The following TENM1 variants were observed in gnomAD, a reference collection of about 807,000 sequenced individuals.
The protein encoded by TENM1 is teneurin transmembrane protein 1, also known as teneurin-1.
In TENM1, 35 loss-of-function variants were observed where a neutral mutation model predicts 174.8. That is an observed-to-expected ratio of 0.20 (90% CI 0.15 to 0.27). TENM1 has a LOEUF of 0.27. Ranked by LOEUF, TENM1 falls within the 10% of genes least tolerant of loss-of-function variation. The probability of loss-of-function intolerance (pLI) is 1.00; values close to 1 mark genes in which losing one functional copy is unlikely to be tolerated. For synonymous variants in TENM1, 781 were observed against 798.7 expected, an observed-to-expected ratio of 0.98 and a Z score of 0.37; for missense variants, 1,633 against 2,130.1, an observed-to-expected ratio of 0.77 and a Z score of 4.59.
At chrX:124,405,211 A>T in exon 27 of TENM1, 3 of 1,211,843 alleles carry the variant, frequency 2.5e-6, no homozygotes, top group Non-Finnish European at 3.4e-6. Flanking sequence ...TCCCGCTGGC[A>T]AAAGTGACAC....
At chrX:124,618,051 T>C (rs2050436022) in intron 11 of TENM1, among the ~76,000 whole-genome samples, 1 of 112,188 alleles carries the variant, frequency 8.9e-6, no homozygotes, top group African/African-American at 3.2e-5. Context: ...TATACTTAAG[T>C]CAGTAGCATT....
intron 15 of TENM1, among the ~76,000 whole-genome samples, chrX:124,537,797 T>C (rs1352030113): frequency 8.9e-6 from 1 of 112,125 alleles, no homozygotes; most frequent in Non-Finnish European, 1.9e-5. Context: ...GACTGAGTAG[T>C]AGGTAATAAG....
At chrX:125,076,534 T>G in the TENM1 span, among the ~76,000 whole-genome samples, 1 of 110,939 alleles carries the variant, frequency 9.0e-6, no homozygotes, top group Admixed American at 9.6e-5. Context: ...AGTCTGGCAT[T>G]TTTGTGTGCT....
At chrX:125,152,327 AAG>A in the TENM1 span, among the ~76,000 whole-genome samples, 1 of 111,828 alleles carries the variant, frequency 8.9e-6, no homozygotes, top group African/African-American at 3.3e-5. Flanking sequence ...TTAAGAAAGT[AAG>A]AGATGACTTG....
chrX:124,938,012 A>C (rs2058272420), intron 1 of TENM1, among the ~76,000 whole-genome samples: 1 of 111,932 alleles, frequency 8.9e-6, no homozygotes, highest in South Asian at 3.7e-4. Flanking sequence ...TTTAGCCAAA[A>C]TATTAAAGAA....
chrX:125,081,872 T>C, the TENM1 span, among the ~76,000 whole-genome samples: 1 of 110,929 alleles, frequency 9.0e-6, no homozygotes, highest in South Asian at 3.8e-4. Flanking sequence ...GGTCATTATA[T>C]TGAGTGAAAT....
intron 1 of TENM1, among the ~76,000 whole-genome samples, chrX:124,927,998 T>C (rs1458072881): frequency 9.0e-6 from 1 of 111,033 alleles, no homozygotes; most frequent in Non-Finnish European, 1.9e-5. Context: ...ACAACCAGTG[T>C]CATTTGATGA....
At chrX:124,508,549 A>T (rs189891049) in intron 18 of TENM1, among the ~76,000 whole-genome samples, 207 of 112,310 alleles carry the variant, frequency 1.8e-3, no homozygotes, top group Non-Finnish European at 3.1e-3. Context: ...ATCTATTTAC[A>T]AAAATAAGGG....
intron 27 of TENM1, among the ~76,000 whole-genome samples, chrX:124,397,022 G>A (rs111686789): frequency 1.3e-3 from 141 of 111,089 alleles, no homozygotes; most frequent in African/African-American, 4.2e-3. Flanking sequence ...TGCATCCTTC[G>A]GTTTCCCTTA....
chrX:124,549,608 C>T (rs1187063925), intron 14 of TENM1, among the ~76,000 whole-genome samples: 1 of 111,626 alleles, frequency 9.0e-6, no homozygotes, highest in East Asian at 2.8e-4. Flanking sequence ...ATGTTCTATA[C>T]ATTCCAAGCT....
intron 20 of TENM1, among the ~76,000 whole-genome samples, chrX:124,491,163 TA>T (rs2047058159): frequency 8.9e-6 from 1 of 112,082 alleles, no homozygotes; most frequent in Admixed American, 9.5e-5. Flanking sequence ...TTTGGCTGAA[TA>T]TAAGGAAGAA....
exon 32 of TENM1, chrX:124,380,920 C>G (rs747742516): frequency 1.7e-6 from 2 of 1,211,780 alleles, no homozygotes; most frequent in Non-Finnish European, 2.2e-6. Context: ...TGACACCATT[C>G]TCCAGAATCC....
chrX:125,056,552 C>T, the TENM1 span, among the ~76,000 whole-genome samples: 4 of 111,292 alleles, frequency 3.6e-5, no homozygotes, highest in Admixed American at 2.9e-4. Context: ...TGTCATTATA[C>T]CCCAGGGCTA....
intron 17 of TENM1, 57 bp from the exon 21 acceptor site, chrX:124,520,841 G>C (rs1038005804): frequency 1.7e-5 from 18 of 1,048,188 alleles, no homozygotes; most frequent in Non-Finnish European, 2.1e-5. Context: ...GTCGCAGGTA[G>C]ATGAGGATAT....
chrX:125,038,238 T>G, the TENM1 span, among the ~76,000 whole-genome samples: 2 of 110,882 alleles, frequency 1.8e-5, no homozygotes, highest in South Asian at 7.6e-4. Flanking sequence ...TTTAGCCTTT[T>G]TTTTGTTTTG....
chrX:124,653,810 A>G (rs377386913), intron 6 of TENM1, 27 bp from the exon 10 acceptor site: 48 of 1,101,517 alleles, frequency 4.4e-5, no homozygotes, highest in Non-Finnish European at 5.4e-5. Context: ...AGAAAATTAC[A>G]CACCATGTTA....
intron 3 of TENM1, among the ~76,000 whole-genome samples, chrX:124,835,812 T>C (rs1382731541): frequency 8.9e-6 from 1 of 111,981 alleles, no homozygotes; most frequent in Non-Finnish European, 1.9e-5. Context: ...AAATGATCAT[T>C]GGAATATCAC....
intron 10 of TENM1, among the ~76,000 whole-genome samples, chrX:124,643,453 A>G (rs1047498685): frequency 9.0e-6 from 1 of 111,579 alleles, no homozygotes; most frequent in Non-Finnish European, 1.9e-5. Context: ...GCTCCAGTTG[A>G]TTGCCACCAC....
chrX:124,595,416 GAAGA>G (rs2049867216), intron 11 of TENM1, among the ~76,000 whole-genome samples: 1 of 111,437 alleles, frequency 9.0e-6, no homozygotes, highest in African/African-American at 3.3e-5. Context: ...GAGTAAAAAA[GAAGA>G]AAGGAAACAA....
Sources: gnomAD v4.1 joint callset for allele counts (sites outside exome capture counted in the v4.1 genomes callset) on GRCh38, gnomAD v4.1.1 for gene constraint, MANE v1.5 for transcripts, NCBI Gene and HGNC (gene_info 2026-07-23, HGNC 2026-07-21) for gene names.